MTUS1: variants seen among roughly 807,000 people sequenced by gnomAD.
MTUS1 encodes microtubule-associated tumor suppressor 1.
Under a neutral mutation model 120.8 loss-of-function variants are expected in MTUS1, and 109 were observed. The ratio of observed to expected loss-of-function variants is 0.90; its 90% confidence interval spans 0.77 to 1.06. MTUS1 has a LOEUF of 1.06. Ranked by LOEUF, MTUS1 falls within the 50% of genes least tolerant of loss-of-function variation. MTUS1 has a pLI of 0.00. For synonymous variants in MTUS1, 737 were observed against 550.5 expected, an observed-to-expected ratio of 1.34 and a Z score of -4.74; for missense variants, 2,210 against 1,486.3, an observed-to-expected ratio of 1.49 and a Z score of -8.01.
At chr8:17,735,877 T>C (rs1266410451) in intron 3 of MTUS1, among the ~76,000 whole-genome samples, 1 of 152,174 alleles carries the variant, frequency 6.6e-6, no homozygotes, top group Non-Finnish European at 1.5e-5. Flanking sequence ...GACAGACATG[T>C]AAGGAAATAA....
intron 14 of MTUS1, among the ~76,000 whole-genome samples, chr8:17,646,506 C>T (rs1420490802): frequency 1.3e-5 from 2 of 152,018 alleles, no homozygotes; most frequent in Non-Finnish European, 2.9e-5. Context: ...GAGGACTGCT[C>T]GAGCCTAGGA....
chr8:17,648,438 G>C (rs1806287784), intron 13 of MTUS1, among the ~76,000 whole-genome samples: 1 of 152,144 alleles, frequency 6.6e-6, no homozygotes, highest in African/African-American at 2.4e-5. Flanking sequence ...TGAAAGTTTT[G>C]ATGCATGAAT....
chr8:17,649,723 T>C (rs1344688218), intron 13 of MTUS1, 123 bp downstream of exon 13: 2 of 657,234 alleles, frequency 3.0e-6, no homozygotes, highest in Non-Finnish European at 5.4e-6. Context: ...ACTTTATCTT[T>C]TGTATAATTT....
intron 8 of MTUS1, 122 bp downstream of exon 8, chr8:17,675,064 T>A (rs2269698): frequency 6.5e-7 from 1 of 1,529,772 alleles, no homozygotes; most frequent in Non-Finnish European, 8.8e-7. Context: ...GCCCAGATAC[T>A]AGACAGGGAG....
chr8:17,654,681 C>A lies in MTUS1; in HGVS notation c.3109-15G>T. 6.3e-7 allele frequency: 1 copy of A among 1,596,792 alleles called. No individual in the cohort carries two copies. The highest frequency in any genetic ancestry group is 8.6e-7 in the Non-Finnish European group (1 of 1,164,230). ...AAGTTGTCAAACTGTAAGCAACAAA[C>A]AAAACCGTGGTTTAACAGTAAAACC... On this transcript the variant is annotated splice_polypyrimidine_tract_variant and intron_variant, in intron 9 of 14. Transcript: ENST00000693296.
intron 6 of MTUS1, among the ~76,000 whole-genome samples, chr8:17,705,055 C>T (rs1211297950): frequency 6.6e-6 from 1 of 152,180 alleles, no homozygotes; most frequent in East Asian, 1.9e-4. Context: ...GCAATCTCAG[C>T]TCACTGCAAC....
At chr8:17,657,943 GTACA>G (rs1808789685) in intron 8 of MTUS1, among the ~76,000 whole-genome samples, 1 of 147,540 alleles carries the variant, frequency 6.8e-6, no homozygotes, top group South Asian at 2.1e-4. Flanking sequence ...GTGTATATAT[GTACA>G]TATATGTATG....
At chr8:17,659,973 T>C (rs1809318468) in intron 8 of MTUS1, among the ~76,000 whole-genome samples, 1 of 152,156 alleles carries the variant, frequency 6.6e-6, no homozygotes, top group Non-Finnish European at 1.5e-5. Context: ...TGGACTCAAA[T>C]AGTACTTGTC....
intron 1 of MTUS1, among the ~76,000 whole-genome samples, chr8:17,768,953 C>A (rs1010999333): frequency 1.3e-5 from 2 of 152,028 alleles, no homozygotes; most frequent in Admixed American, 1.3e-4. Context: ...AATATGGTTA[C>A]AATTTAAATG....
At chr8:17,676,290 A>G (rs760016714) in intron 7 of MTUS1, 3 of 703,038 alleles carry the variant, frequency 4.3e-6, no homozygotes, top group South Asian at 1.5e-5. Context: ...GTTGCTGCAC[A>G]TGGAGAATAG....
chr8:17,715,712 G>C, intron 5 of MTUS1, 55 bp downstream of exon 5: 1 of 1,534,456 alleles, frequency 6.5e-7, no homozygotes, highest in South Asian at 1.3e-5. Flanking sequence ...CTTTCTACAA[G>C]CCAAGGACTT....
intron 5 of MTUS1, 46 bp from the exon 6 acceptor site, chr8:17,713,298 A>G (rs1003415486): frequency 4.5e-6 from 5 of 1,107,820 alleles, no homozygotes; most frequent in Non-Finnish European, 6.8e-6. Context: ...TTTATTTGAC[A>G]TATCACATAA....
chr8:17,739,963 T>C (rs2047191135), intron 3 of MTUS1, among the ~76,000 whole-genome samples: 1 of 152,182 alleles, frequency 6.6e-6, no homozygotes, highest in African/African-American at 2.4e-5. Context: ...AACAGCTCTT[T>C]GGGAGGCCAA....
chr8:17,785,517 G>T (rs1018388997), intron 1 of MTUS1, among the ~76,000 whole-genome samples: 7 of 152,174 alleles, frequency 4.6e-5, no homozygotes, highest in African/African-American at 1.4e-4. Flanking sequence ...GACAAAATTT[G>T]TACGACTGCC....
chr8:17,792,682 G>A (rs929022645), intron 1 of MTUS1, among the ~76,000 whole-genome samples: 3 of 152,312 alleles, frequency 2.0e-5, no homozygotes, highest in Non-Finnish European at 4.4e-5. Flanking sequence ...TGGCCAACAT[G>A]GGGAAATTCT....
intron 4 of MTUS1, among the ~76,000 whole-genome samples, chr8:17,719,537 A>G (rs1433330827): frequency 6.6e-6 from 1 of 152,382 alleles, no homozygotes; most frequent in South Asian, 2.1e-4. Flanking sequence ...TAAATAGTCC[A>G]TTCAGAAGTG....
At chr8:17,756,877 C>A (rs151260059) in intron 1 of MTUS1, among the ~76,000 whole-genome samples, 1 of 152,110 alleles carries the variant, frequency 6.6e-6, no homozygotes, top group African/African-American at 2.4e-5. Context: ...AGAGCTCTCA[C>A]CAAAAACCAA....
At chr8:17,684,209 T>G in intron 7 of MTUS1, 119 bp downstream of exon 7, 1 of 724,212 alleles carries the variant, frequency 1.4e-6, no homozygotes. Context: ...ATGGGATGAA[T>G]GACACCTGAT....
chr8:17,661,893 C>G (rs926992845), intron 8 of MTUS1, among the ~76,000 whole-genome samples: 3 of 152,212 alleles, frequency 2.0e-5, no homozygotes, highest in Non-Finnish European at 4.4e-5. Context: ...GCAGTAATCG[C>G]TCACACTAAT....
Sources: gnomAD v4.1 joint callset for allele counts (sites outside exome capture counted in the v4.1 genomes callset) on GRCh38, gnomAD v4.1.1 for gene constraint, MANE v1.5 for transcripts, NCBI Gene and HGNC (gene_info 2026-07-23, HGNC 2026-07-21) for gene names.